Variants in GRB2 observed in about 807,000 individuals in gnomAD.
GRB2 encodes growth factor receptor-bound protein 2.
A neutral mutation model predicts 27.4 loss-of-function variants in GRB2; 2 were observed. The observed-to-expected ratio is 0.07, with a 90% CI of 0.03 to 0.23. The LOEUF (loss-of-function observed/expected upper bound fraction) is 0.23. Among genes scored for constraint, GRB2 ranks in the 10% least tolerant of loss-of-function variants. The pLI is 1.00. For missense variants in GRB2, 102 were observed against 282.4 expected (o/e 0.36, Z 4.58); for synonymous variants, 94 against 99.6 (o/e 0.94, Z 0.33).
intron 2 of GRB2, among the ~76,000 whole-genome samples, chr17:75,384,958 G>C (rs1319445702): frequency 7.0e-6 from 1 of 143,182 alleles, no homozygotes; most frequent in Non-Finnish European, 1.5e-5. Context: ...AGCACTTTGG[G>C]AGGCAGGCGG....
intron 2 of GRB2, among the ~76,000 whole-genome samples, chr17:75,390,683 A>G (rs2078992752): frequency 6.6e-6 from 1 of 152,186 alleles, no homozygotes; most frequent in Non-Finnish European, 1.5e-5. Context: ...ATGTGTAGAC[A>G]GAAAGTAGGG....
intron 2 of GRB2, among the ~76,000 whole-genome samples, chr17:75,352,713 C>T (rs1464958212): frequency 6.6e-6 from 1 of 152,102 alleles, no homozygotes; most frequent in South Asian, 2.1e-4. Context: ...CCCCTCTATG[C>T]AGTAAAAGTG....
Position 75,358,930 on chromosome 17 carries a change from T to TATAA in GRB2, c.79-26134_79-26133insTTAT, listed in dbSNP as rs1555611100. ...ATATATATATAAATATATATATATA[T>TATAA]AAAATAGGCCAGTGGCCCACACCTG... On this transcript the variant is annotated intron_variant, in intron 2 of 5. Transcript: ENST00000316804. Among the ~76,000 whole-genome samples, 439 of 129,108 alleles carry TATAA rather than the reference T, an allele frequency of 3.4e-3. 2 individuals are homozygous for TATAA. The highest frequency in any genetic ancestry group is 5.8e-3 in the Non-Finnish European group (350 of 60,620). 84.7% of individuals were successfully genotyped at this position (129,108 alleles called of 152,430 possible).
intron 2 of GRB2, among the ~76,000 whole-genome samples, chr17:75,349,856 C>T (rs894029385): frequency 6.6e-6 from 1 of 151,966 alleles, no homozygotes; most frequent in Non-Finnish European, 1.5e-5. Flanking sequence ...CACCCACTGC[C>T]TCACTTTGGA....
At chr17:75,402,639 C>T (rs547052137) in intron 1 of GRB2, among the ~76,000 whole-genome samples, 7 of 152,110 alleles carry the variant, frequency 4.6e-5, no homozygotes, top group Non-Finnish European at 8.8e-5. Context: ...GGAGTTCTAC[C>T]AGAACCTAAT....
At chr17:75,323,862 T>G (rs115506860) in intron 4 of GRB2, among the ~76,000 whole-genome samples, 1 of 152,122 alleles carries the variant, frequency 6.6e-6, no homozygotes, top group African/African-American at 2.4e-5. Flanking sequence ...CAGGCTGGAA[T>G]GCAATGGCTC....
chr17:75,405,043 AAATT>A (rs1394557508), intron 1 of GRB2: 1 of 152,158 alleles, frequency 6.6e-6, no homozygotes, highest in Non-Finnish European at 1.5e-5. Context: ...TTCCCGCACA[AAATT>A]AAGCCCAAAG....
At chr17:75,326,313 T>G in intron 3 of GRB2, 1 of 400,586 alleles carries the variant, frequency 2.5e-6, no homozygotes, top group South Asian at 2.4e-5. Context: ...CAAAGCCCAC[T>G]GGACTCCCTA....
chr17:75,350,794 T>G (rs376037064), intron 2 of GRB2, among the ~76,000 whole-genome samples: 1 of 152,206 alleles, frequency 6.6e-6, no homozygotes, highest in South Asian at 2.1e-4. Flanking sequence ...GCCTGGCCAC[T>G]TGGGTGGTAA....
At chr17:75,324,511 T>TG in intron 4 of GRB2, among the ~76,000 whole-genome samples, 1 of 40,740 alleles carries the variant, frequency 2.5e-5, no homozygotes, top group Non-Finnish European at 7.7e-5. Flanking sequence ...CACCCAGTTT[T>TG]TTTTTTTTTT....
At chr17:75,372,716 T>C (rs1337515153) in intron 2 of GRB2, 1 of 152,250 alleles carries the variant, frequency 6.6e-6, no homozygotes, top group Non-Finnish European at 1.5e-5. Flanking sequence ...GGTGAATTTT[T>C]AGCCTAATAT....
At chr17:75,333,855 G>A (rs529147590) in intron 2 of GRB2, among the ~76,000 whole-genome samples, 1 of 152,290 alleles carries the variant, frequency 6.6e-6, no homozygotes, top group Admixed American at 6.5e-5. Context: ...TTCTACAGAT[G>A]TAAAAAAACA....
Position 75,357,216 on chromosome 17 carries a change from A to T in GRB2, c.79-24419T>A, listed in dbSNP as rs78161121. Among the ~76,000 whole-genome samples the T allele has an allele frequency of 5.4e-3, 828 of 152,140 alleles. 24 individuals carry two copies. The highest frequency in any genetic ancestry group is 0.043 in the Admixed American group (655 of 15,274). On this transcript the variant is annotated intron_variant, in intron 2 of 5. Transcript: ENST00000316804. ...TTTTTCTTTTTAATTTTTATTTCTC[A>T]CTCTACACTGATGTAGTTAAGTCAG...
At chr17:75,383,654 C>T (rs2078944145) in intron 2 of GRB2, among the ~76,000 whole-genome samples, 1 of 152,022 alleles carries the variant, frequency 6.6e-6, no homozygotes, top group Admixed American at 6.6e-5. Context: ...CCAGCCCGGC[C>T]AATATGGTGA....
intron 2 of GRB2, among the ~76,000 whole-genome samples, chr17:75,333,509 C>T (rs1411941711): frequency 6.6e-6 from 1 of 152,124 alleles, no homozygotes; most frequent in Non-Finnish European, 1.5e-5. Flanking sequence ...GGTGTCACAG[C>T]AGAACTAAGC....
intron 2 of GRB2, among the ~76,000 whole-genome samples, chr17:75,358,524 C>T (rs993050985): frequency 1.3e-5 from 2 of 151,696 alleles, no homozygotes; most frequent in African/African-American, 2.4e-5. Flanking sequence ...TATCCTAAAA[C>T]GGAGAAACAT....
At chr17:75,326,141 T>C in intron 3 of GRB2, 121 bp from the exon 4 acceptor site, 1 of 1,169,314 alleles carries the variant, frequency 8.6e-7, no homozygotes, top group Non-Finnish European at 1.2e-6. Context: ...CTCCTCATCC[T>C]CCAGCCTCAC....
chr17:75,384,822 A>T (rs1017257288), intron 2 of GRB2, among the ~76,000 whole-genome samples: 1 of 152,060 alleles, frequency 6.6e-6, no homozygotes, highest in African/African-American at 2.4e-5. Flanking sequence ...ATCTATGTAT[A>T]TGATAAAAAA....
chr17:75,390,813 T>C (rs2078993684), intron 2 of GRB2, among the ~76,000 whole-genome samples: 1 of 152,182 alleles, frequency 6.6e-6, no homozygotes, highest in Non-Finnish European at 1.5e-5. Flanking sequence ...TAAGTGCCTA[T>C]TTCATTATCT....
Sources: allele counts gnomAD v4.1 joint callset (sites outside exome capture counted in the v4.1 genomes callset), GRCh38; gene constraint gnomAD v4.1.1; transcripts MANE v1.5; gene names NCBI Gene and HGNC (gene_info 2026-07-23, HGNC 2026-07-21).